The following LRRC37A2 variants were observed in gnomAD, a reference collection of about 807,000 sequenced individuals.
The protein encoded by LRRC37A2 is leucine-rich repeat-containing protein 37A2.
In LRRC37A2, 9 loss-of-function variants were observed where a neutral mutation model predicts 68.8. That is an observed-to-expected ratio of 0.13 (90% CI 0.08 to 0.23). The LOEUF (loss-of-function observed/expected upper bound fraction) is 0.23, where lower values mean the gene tolerates loss of function less well. Ranked by LOEUF, LRRC37A2 falls within the 10% of genes least tolerant of loss-of-function variation. The pLI, the probability that LRRC37A2 is intolerant of heterozygous loss-of-function variation, is 1.00. For missense variants in LRRC37A2, 168 were observed against 950.4 expected (o/e 0.18, Z 10.82); for synonymous variants, 63 against 367.6 (o/e 0.17, Z 9.48).
At chr17:46,983,005 G>A in the LRRC37A2 span, among the ~76,000 whole-genome samples, 1 of 152,196 alleles carries the variant, frequency 6.6e-6, no homozygotes, top group Non-Finnish European at 1.5e-5. Flanking sequence ...AGCATATTTG[G>A]CTTTCTCCGG....
the LRRC37A2 span, among the ~76,000 whole-genome samples, chr17:46,443,802 C>CTTT: frequency 1.0e-3 from 25 of 25,010 alleles, 9 homozygotes; most frequent in African/African-American, 3.1e-3. Context: ...TTCTACATTT[C>CTTT]TTTTTATTAT....
chr17:46,408,418 G>GT, the LRRC37A2 span, among the ~76,000 whole-genome samples: 102 of 29,796 alleles, frequency 3.4e-3, no homozygotes, highest in African/African-American at 4.2e-3. Flanking sequence ...TGAGAGGACT[G>GT]TTTTTTTTTT....
chr17:46,944,610 CTTT>C, the LRRC37A2 span, among the ~76,000 whole-genome samples: 10 of 144,250 alleles, frequency 6.9e-5, no homozygotes, highest in Non-Finnish European at 1.5e-4. Flanking sequence ...TTTTAATTTT[CTTT>C]TTTTTTTTTT....
the LRRC37A2 span, among the ~76,000 whole-genome samples, chr17:46,796,270 A>C: frequency 3.3e-5 from 5 of 152,246 alleles, no homozygotes; most frequent in African/African-American, 1.2e-4. Context: ...CCTGGCACAT[A>C]GTAGGTGCAC....
chr17:46,805,183 C>T, the LRRC37A2 span, among the ~76,000 whole-genome samples: 6 of 152,134 alleles, frequency 3.9e-5, no homozygotes, highest in South Asian at 8.3e-4. Flanking sequence ...TGGAACCCTA[C>T]CCCTGGAATC....
the LRRC37A2 span, among the ~76,000 whole-genome samples, chr17:46,888,527 G>A: frequency 5.3e-5 from 8 of 152,192 alleles, no homozygotes; most frequent in African/African-American, 1.9e-4. Context: ...ACACTGCTGC[G>A]GCATTTTACA....
the LRRC37A2 span, among the ~76,000 whole-genome samples, chr17:46,479,335 A>G: frequency 1.4e-5 from 1 of 73,180 alleles, no homozygotes; most frequent in Non-Finnish European, 3.0e-5. Context: ...TAGGGGCTGC[A>G]TGGCCCACAA....
At chr17:46,981,152 G>A in the LRRC37A2 span, among the ~76,000 whole-genome samples, 1 of 152,226 alleles carries the variant, frequency 6.6e-6, no homozygotes, top group Non-Finnish European at 1.5e-5. Context: ...TGACAGTGAA[G>A]TGGGAGACAA....
the LRRC37A2 span, among the ~76,000 whole-genome samples, chr17:46,708,115 C>G: frequency 3.3e-5 from 5 of 152,052 alleles, no homozygotes; most frequent in Non-Finnish European, 5.9e-5. Context: ...CAGGCTTCTG[C>G]CACGTTTTGG....
At chr17:46,771,143 C>A in the LRRC37A2 span, among the ~76,000 whole-genome samples, 48 of 152,322 alleles carry the variant, frequency 3.2e-4, no homozygotes, top group East Asian at 8.9e-3. Flanking sequence ...GGCCCCCACG[C>A]CCTCCTGCGC....
At chr17:46,906,952 AT>A in the LRRC37A2 span, among the ~76,000 whole-genome samples, 1 of 152,232 alleles carries the variant, frequency 6.6e-6, no homozygotes, top group Non-Finnish European at 1.5e-5. Context: ...ACATGATTTC[AT>A]TTAGTCGTCA....
the LRRC37A2 span, chr17:46,876,870 C>G: frequency 1.1e-5 from 15 of 1,396,428 alleles, no homozygotes; most frequent in Non-Finnish European, 1.3e-5. Flanking sequence ...CACCACCATT[C>G]CTTGGCCAGC....
the LRRC37A2 span, among the ~76,000 whole-genome samples, chr17:46,841,704 G>C: frequency 6.6e-6 from 1 of 152,204 alleles, no homozygotes; most frequent in Non-Finnish European, 1.5e-5. Flanking sequence ...GGACCCTCTG[G>C]ACTGGGGAGT....
the LRRC37A2 span, among the ~76,000 whole-genome samples, chr17:46,744,681 C>G: frequency 2.6e-4 from 39 of 152,170 alleles, no homozygotes; most frequent in African/African-American, 8.4e-4. Context: ...TGGGTCCAAT[C>G]AATGGGCAAG....
the LRRC37A2 span, chr17:46,932,010 C>T: frequency 1.2e-5 from 19 of 1,561,500 alleles, no homozygotes; most frequent in Non-Finnish European, 1.6e-5. Context: ...GCCTGGCCCC[C>T]TCAGATTCTG....
the LRRC37A2 span, among the ~76,000 whole-genome samples, chr17:46,765,672 T>C: frequency 6.6e-6 from 1 of 152,236 alleles, no homozygotes. Flanking sequence ...CGGCCGAGCC[T>C]GGGCCCATTG....
chr17:46,884,103 A>G, the LRRC37A2 span, among the ~76,000 whole-genome samples: 6 of 152,052 alleles, frequency 3.9e-5, no homozygotes, highest in Admixed American at 3.3e-4. Flanking sequence ...ACGTCTCAAC[A>G]AGTCCAGGGT....
chr17:46,978,291 C>T, the LRRC37A2 span: 2 of 313,214 alleles, frequency 6.4e-6, no homozygotes, highest in Non-Finnish European at 1.2e-5. Context: ...AACCCACCCG[C>T]ACCAACGTAC....
At chr17:46,907,770 C>T in the LRRC37A2 span, among the ~76,000 whole-genome samples, 6 of 150,020 alleles carry the variant, frequency 4.0e-5, no homozygotes, top group African/African-American at 1.5e-4. Flanking sequence ...GCAGAAGGAT[C>T]GCTTGAGCCC....
Sources: allele counts gnomAD v4.1 joint callset (sites outside exome capture counted in the v4.1 genomes callset), GRCh38; gene constraint gnomAD v4.1.1; transcripts MANE v1.5; gene names NCBI Gene and HGNC (gene_info 2026-07-23, HGNC 2026-07-21).